The following DSCAM variants were observed in gnomAD, a reference collection of about 807,000 sequenced individuals.
DSCAM encodes the protein cell adhesion molecule DSCAM.
Under a neutral mutation model 217.7 loss-of-function variants are expected in DSCAM, and 47 were observed. That is an observed-to-expected ratio of 0.22 (90% CI 0.17 to 0.28). The LOEUF (loss-of-function observed/expected upper bound fraction) is 0.28. DSCAM is among the 10% of genes least tolerant of loss of function. The probability of loss-of-function intolerance (pLI) is 1.00; values close to 1 mark genes in which losing one functional copy is unlikely to be tolerated. For missense variants in DSCAM, 2,080 were observed against 2,618.3 expected (o/e 0.79, Z 4.49); for synonymous variants, 1,056 against 1,015.3 (o/e 1.04, Z -0.76).
chr21:40,705,849 C>T (rs1173394548), intron 2 of DSCAM, among the ~76,000 whole-genome samples: 1 of 152,222 alleles, frequency 6.6e-6, no homozygotes, highest in African/African-American at 2.4e-5. Context: ...GGCTCCCACA[C>T]CTCCATCTCG....
intron 3 of DSCAM, among the ~76,000 whole-genome samples, chr21:40,411,887 C>A (rs1237966012): frequency 6.6e-6 from 1 of 152,180 alleles, no homozygotes. Context: ...GTGTCCCCAC[C>A]CAAATCTCAT....
chr21:40,491,361 T>A (rs995042923), intron 3 of DSCAM, among the ~76,000 whole-genome samples: 1 of 152,100 alleles, frequency 6.6e-6, no homozygotes, highest in African/African-American at 2.4e-5. Flanking sequence ...CTGCCTAACC[T>A]TTTTGCCACG....
At chr21:40,699,674 G>C (rs561343795) in intron 2 of DSCAM, among the ~76,000 whole-genome samples, 1 of 152,156 alleles carries the variant, frequency 6.6e-6, no homozygotes, top group South Asian at 2.1e-4. Context: ...TGCCTTAAGC[G>C]AAAGCCTAAA....
intron 3 of DSCAM, among the ~76,000 whole-genome samples, chr21:40,472,418 T>C (rs1041923167): frequency 1.3e-5 from 2 of 152,224 alleles, no homozygotes; most frequent in Non-Finnish European, 2.9e-5. Flanking sequence ...AGAAAACTTT[T>C]AGGAAATAAT....
intron 29 of DSCAM, among the ~76,000 whole-genome samples, chr21:40,053,644 T>G (rs989673587): frequency 5.3e-5 from 8 of 152,180 alleles, no homozygotes; most frequent in African/African-American, 1.7e-4. Context: ...GCACCACAGT[T>G]CCACTTCCCA....
intron 3 of DSCAM, among the ~76,000 whole-genome samples, chr21:40,638,568 AG>A (rs1185398179): frequency 6.6e-6 from 1 of 152,216 alleles, no homozygotes; most frequent in Non-Finnish European, 1.5e-5. Flanking sequence ...GCAAGCAGTC[AG>A]GGTTAATTCA....
chr21:40,683,611 G>A (rs1167041023), intron 3 of DSCAM, among the ~76,000 whole-genome samples: 1 of 152,156 alleles, frequency 6.6e-6, no homozygotes, highest in Non-Finnish European at 1.5e-5. Flanking sequence ...CTGATGAAAA[G>A]AGGTCCTAGA....
At chr21:40,117,179 C>A (rs892592393) in intron 20 of DSCAM, among the ~76,000 whole-genome samples, 3 of 152,150 alleles carry the variant, frequency 2.0e-5, no homozygotes, top group Admixed American at 2.0e-4. Flanking sequence ...GCTACAGCTT[C>A]ATTACACAAT....
intron 3 of DSCAM, among the ~76,000 whole-genome samples, chr21:40,632,081 T>C (rs1462421414): frequency 1.3e-5 from 2 of 152,144 alleles, no homozygotes; most frequent in East Asian, 1.9e-4. Flanking sequence ...AGCTCTGAGT[T>C]TGCAAGGGTA....
chr21:40,158,780 C>G (rs1020553705), intron 16 of DSCAM, among the ~76,000 whole-genome samples: 8 of 152,190 alleles, frequency 5.3e-5, no homozygotes, highest in African/African-American at 1.7e-4. Context: ...TCTTATACAT[C>G]TATAATTACT....
At chr21:40,676,397 T>C (rs1157533988) in intron 3 of DSCAM, among the ~76,000 whole-genome samples, 2 of 152,148 alleles carry the variant, frequency 1.3e-5, no homozygotes, top group Admixed American at 1.3e-4. Flanking sequence ...ACTTCAGGCT[T>C]TCATGGAAAA....
At chr21:40,462,069 T>C (rs1023840686) in intron 3 of DSCAM, among the ~76,000 whole-genome samples, 5 of 152,126 alleles carry the variant, frequency 3.3e-5, no homozygotes, top group African/African-American at 9.7e-5. Flanking sequence ...CAGAAAAGAA[T>C]AGAAAAATGA....
chr21:40,391,450 T>C (rs2075133416), intron 3 of DSCAM, among the ~76,000 whole-genome samples: 3 of 152,224 alleles, frequency 2.0e-5, no homozygotes, highest in Admixed American at 2.0e-4. Context: ...ATCAACTTAG[T>C]TTGATCAAAT....
At chr21:40,350,784 T>C (rs1004065406) in intron 5 of DSCAM, among the ~76,000 whole-genome samples, 2 of 151,724 alleles carry the variant, frequency 1.3e-5, no homozygotes, top group Non-Finnish European at 2.9e-5. Context: ...AATTTCTGAT[T>C]CATTTTGGAT....
At chr21:40,304,831 G>A (rs1209833957) in intron 9 of DSCAM, among the ~76,000 whole-genome samples, 6 of 152,144 alleles carry the variant, frequency 3.9e-5, no homozygotes, top group African/African-American at 1.4e-4. Context: ...AACATTTATC[G>A]ATTAAGTTTG....
chr21:40,087,250 A>G lies in DSCAM; in HGVS notation c.3888T>C (p.Thr1296=). The change falls in exon 22 of 33, where the codon ACT becomes ACC. Residue 1296 remains threonine (T), a synonymous_variant. Transcript: ENST00000400454. ...AGACAATGTCTTTCATCCATGGAGTAGTCACTGTCCCACTGAAGGTCAGGA... is the reference window on the plus strand; with the variant it reads ...AGACAATGTCTTTCATCCATGGAGTGGTCACTGTCCCACTGAAGGTCAGGA... ...ARILTFSGTV[T]TPWMKDIVLP... 6.2e-7 allele frequency: 1 copy of G among 1,614,144 alleles called. No homozygotes were observed. Among genetic ancestry groups the G allele is most frequent in the Non-Finnish European group, 8.5e-7 (1 of 1,179,974 alleles).
At chr21:40,131,724 G>C (rs920116359) in intron 19 of DSCAM, among the ~76,000 whole-genome samples, 6 of 152,184 alleles carry the variant, frequency 3.9e-5, no homozygotes, top group Non-Finnish European at 5.9e-5. Flanking sequence ...TTGACACTCA[G>C]TTCTGCATAG....
intron 3 of DSCAM, among the ~76,000 whole-genome samples, chr21:40,554,060 T>C (rs2076651131): frequency 6.6e-6 from 1 of 152,024 alleles, no homozygotes; most frequent in Non-Finnish European, 1.5e-5. Context: ...GCAGTGGCTA[T>C]TTACAGATGT....
chr21:40,334,164 C>G (rs1161624233), intron 8 of DSCAM, among the ~76,000 whole-genome samples: 2 of 152,110 alleles, frequency 1.3e-5, no homozygotes, highest in African/African-American at 4.8e-5. Context: ...CTGTTCAGGC[C>G]TTGGTGTTGA....
Sources: gnomAD v4.1 joint callset for allele counts (sites outside exome capture counted in the v4.1 genomes callset) on GRCh38, gnomAD v4.1.1 for gene constraint, MANE v1.5 for transcripts, NCBI Gene and HGNC (gene_info 2026-07-23, HGNC 2026-07-21) for gene names.